GCAT: variants seen among roughly 807,000 people sequenced by gnomAD.
GCAT encodes the protein glycine C-acetyltransferase.
A neutral mutation model predicts 39.7 loss-of-function variants in GCAT; 26 were observed. The ratio of observed to expected loss-of-function variants is 0.65; its 90% CI spans 0.48 to 0.91. The LOEUF is 0.91. Ranked by LOEUF, GCAT falls within the 40% of genes least tolerant of loss-of-function variation. The pLI is 0.00. For synonymous variants in GCAT, 218 were observed against 237.2 expected (o/e 0.92, Z 0.74); for missense variants, 550 against 576.2 (o/e 0.95, Z 0.47).
At chr22:37,815,915 C>T (rs1922138992) in intron 7 of GCAT, 81 bp downstream of exon 7, 3 of 1,503,060 alleles carry the variant, frequency 2.0e-6, no homozygotes, top group Non-Finnish European at 2.7e-6. Flanking sequence ...GGCCCACAGA[C>T]AGCTCTGTGC....
rs141417797 is a variant in GCAT at position 37,815,704 on chromosome 22, C to T, written c.856C>T (p.Arg286Trp). ...GCCTGGGCCCCTGGTGTCCCTGCTG[C>T]GGCAGCGCGCCCGGCCATACCTCTT... Reference protein sequence around the residue: ...TGPGPLVSLLRQRARPYLFSN... With the variant: ...TGPGPLVSLLWQRARPYLFSN... The change falls in exon 7 of 9, where the codon CGG becomes TGG. Residue 286 changes from arginine to tryptophan, a missense_variant. This residue lies in a region of GCAT where 378 missense variants were observed against 390.4 expected (regional missense o/e 0.97). Transcript: ENST00000248924. The T allele has an allele frequency of 1.2e-3, 1,964 of 1,613,246 alleles. 14 individuals are homozygous for T. In the African/African-American group the frequency reaches 0.022, roughly 18 times the overall value.
chr22:37,810,043 T>G lies in GCAT; in HGVS notation c.213T>G (p.Cys71Trp). ...TCACCTCAGGAATCCTTAACTTCTG[T>G]GCCAACAACTACCTGGGCCTGAGCA... The part of the protein sequence containing the change: ...DGVSGGILNF[C>W]ANNYLGLSSH... The change falls in exon 2 of 9, where the codon TGT becomes TGG. Residue 71 changes from cysteine (C) to tryptophan (W), a missense_variant. By Grantham distance (215) the Cys-to-Trp change is radical. Transcript: ENST00000248924. 6.2e-7 allele frequency: 1 copy of G among 1,614,074 alleles called. No individual in the cohort carries two copies. The highest frequency in any genetic ancestry group is 8.5e-7 in the Non-Finnish European group (1 of 1,179,902).
In GCAT at chr22:37,808,954, T is replaced by TG. The variant is rs542535582; in HGVS notation, c.196+794dup. ...CTCCCGCCTCAGCCTCCCAAAGTGT[T>TG]GGGATTACAGGCGTGAGCCACCACT... On this transcript the variant is annotated intron_variant, in intron 1 of 8. Transcript: ENST00000248924. Among the ~76,000 whole-genome samples, 166 of 152,340 alleles carry TG rather than the reference T, an allele frequency of 1.1e-3. 1 individual carries two copies. The highest frequency in any genetic ancestry group is 3.8e-3 in the African/African-American group (157 of 41,584).
chr22:37,816,586 C>G lies in GCAT; in HGVS notation c.1128C>G (p.Phe376Leu), dbSNP rs1922224360. Reference protein sequence around the residue: ...MLKRGIFVIGFSYPVVPKGKA... With the variant: ...MLKRGIFVIGLSYPVVPKGKA... Reference sequence around the variant, plus strand: ...TCCCAGGCATCTTTGTCATCGGGTTCAGCTACCCCGTGGTCCCCAAGGGCA... The same window carrying G: ...TCCCAGGCATCTTTGTCATCGGGTTGAGCTACCCCGTGGTCCCCAAGGGCA... The change falls in exon 9 of 9, where the codon TTC becomes TTG. Residue 376 changes from phenylalanine to leucine, a missense_variant. By Grantham distance (22) the Phe-to-Leu change is conservative. Coordinates refer to ENST00000248924, the MANE Select transcript of GCAT (RefSeq NM_014291.4). 1 of 1,614,198 alleles carries G rather than the reference C, an allele frequency of 6.2e-7. No homozygotes were observed. The highest frequency in any genetic ancestry group is 1.1e-5 in the South Asian group (1 of 91,084).
chr22:37,813,012 T>A (rs1197847984), intron 3 of GCAT, 24 bp downstream of exon 3: 4 of 1,519,322 alleles, frequency 2.6e-6, no homozygotes. Flanking sequence ...GTCCTGCGGG[T>A]GAGGGTTGGT....
intron 4 of GCAT, 138 bp downstream of exon 4, chr22:37,813,747 C>T (rs1330637178): frequency 1.3e-6 from 1 of 752,142 alleles, no homozygotes; most frequent in Non-Finnish European, 2.1e-6. Flanking sequence ...ACCCAGATCC[C>T]TCACACCCAG....
Position 37,815,851 on chromosome 22 carries a change from G to C in GCAT, c.986+17G>C. On this transcript the variant is annotated intron_variant, in intron 7 of 8. Coordinates refer to ENST00000248924, the MANE Select transcript of GCAT (RefSeq NM_014291.4). ...GACCCAGAGGTGCGACTCCCAGCAG[G>C]GCAGGCTCGGGGGCGGAGAGACGTG... The C allele has an allele frequency of 6.2e-7, 1 of 1,612,992 alleles. No individual in the cohort carries two copies. Among genetic ancestry groups the C allele is most frequent in the Non-Finnish European group, 8.5e-7 (1 of 1,179,456 alleles).
chr22:37,815,382 G>A, intron 5 of GCAT, 36 bp from the exon 6 acceptor site: 1 of 1,598,092 alleles, frequency 6.3e-7, no homozygotes, highest in African/African-American at 1.3e-5. Flanking sequence ...TGGGCTCTCA[G>A]GAGGCCAGTG....
At chr22:37,808,687 C>G (rs1921242548) in intron 1 of GCAT, among the ~76,000 whole-genome samples, 1 of 149,700 alleles carries the variant, frequency 6.7e-6, no homozygotes, top group Non-Finnish European at 1.5e-5. Flanking sequence ...TCTTTCTTTC[C>G]TTTTTTTTTT....
chr22:37,810,119 G>A lies in GCAT; in HGVS notation c.289G>A (p.Ala97Thr), dbSNP rs755573503. The A allele has an allele frequency of 6.2e-7, 1 of 1,614,156 alleles. No homozygotes were observed. Among genetic ancestry groups the A allele is most frequent in the South Asian group, 1.1e-5 (1 of 91,084 alleles). ...TCTGCAGGCTCTGGAGGAGTTTGGA[G>A]CTGGCCTCAGCTCTGTCCGCTTTAT... The part of the protein sequence containing the change: ...AGLQALEEFG[A>T]GLSSVRFICG... Residue 97 changes from alanine (A) to threonine (T), a missense_variant, in exon 2 of 9, where the codon GCT (alanine) becomes ACT (threonine). Ala to Thr is a moderately conservative substitution (Grantham distance 58, BLOSUM62 0). Around this residue, in one of 3 missense-constraint regions of GCAT, gnomAD observed 154 missense variants for 141.9 expected, o/e 1.08. Transcript: ENST00000248924.
chr22:37,815,829 C>T lies in GCAT; in HGVS notation c.981C>T (p.Thr327=). 2 of 1,613,854 alleles carry T rather than the reference C, an allele frequency of 1.2e-6. No homozygotes were observed. Among genetic ancestry groups the T allele is most frequent in the Non-Finnish European group, 1.7e-6 (2 of 1,179,918 alleles). ...NTIVQSMAAK[T]QRFRSKMEAA... is the part of the protein sequence containing the mutation. ...TTGTCCAGTCTATGGCTGCCAAGACCCAGAGGTGCGACTCCCAGCAGGGCA... is the reference window on the plus strand; with the variant it reads ...TTGTCCAGTCTATGGCTGCCAAGACTCAGAGGTGCGACTCCCAGCAGGGCA... Residue 327 remains threonine, a synonymous_variant, in exon 7 of 9, where the codon ACC becomes ACT. Transcript: ENST00000248924.
intron 4 of GCAT, among the ~76,000 whole-genome samples, chr22:37,814,672 A>AT (rs1185167558): frequency 1.3e-5 from 2 of 152,012 alleles, no homozygotes; most frequent in Non-Finnish European, 2.9e-5. Flanking sequence ...AGTTTTTAAA[A>AT]TTTTTAGTAG....
intron 1 of GCAT, 66 bp from the exon 2 acceptor site, chr22:37,809,961 T>A: frequency 6.3e-7 from 1 of 1,592,400 alleles, no homozygotes; most frequent in Non-Finnish European, 8.6e-7. Flanking sequence ...CCTGGCACTG[T>A]CATCTTTCCA....
rs757973790 is a variant in GCAT at position 37,815,253 on chromosome 22, C to A, written c.704C>A (p.Ala235Asp). 34 of 1,613,762 alleles carry A rather than the reference C, an allele frequency of 2.1e-5. No homozygotes were observed. The highest frequency in any genetic ancestry group is 7.7e-5 in the South Asian group (7 of 91,026). The part of the protein sequence containing the change: ...GALVFMDECH[A>D]TGFLGPTGRG... ...CTGGTCTTCATGGATGAATGCCATG[C>A]CACTGGCTTCCTGGGGCCCACAGGA... Residue 235 changes from alanine to aspartate, a missense_variant, in exon 5 of 9, where the codon GCC becomes GAC. Around this residue, in one of 3 missense-constraint regions of GCAT, gnomAD observed 378 missense variants for 390.4 expected, o/e 0.97. Transcript: ENST00000248924.
chr22:37,816,087 CT>C, intron 7 of GCAT, 112 bp from the exon 8 acceptor site: 1 of 1,329,668 alleles, frequency 7.5e-7, no homozygotes. Flanking sequence ...TTGTAACTGT[CT>C]TTGTTGATCC....
chr22:37,808,140 T>G lies in GCAT; in HGVS notation c.173T>G (p.Ile58Ser), dbSNP rs1921170236. 6.5e-7 allele frequency: 1 copy of G among 1,527,904 alleles called. No individual in the cohort carries two copies. The highest frequency in any genetic ancestry group is 1.2e-5 in the South Asian group (1 of 80,906). 94.6% of individuals were successfully genotyped at this position (1,527,904 alleles called of 1,614,324 possible). Residue 58 changes from isoleucine (I) to serine (S), a missense_variant, in exon 1 of 9, where the codon ATC becomes AGC. Physicochemically the swap from Ile to Ser is moderately radical, Grantham distance 142. This residue lies in a region of GCAT where 154 missense variants were observed against 141.9 expected (regional missense o/e 1.08). Transcript: ENST00000248924. ...RVITSRQGPH[I>S]RVDGVSGGIL... ...ATCACGTCCCGTCAGGGGCCGCACA[T>G]CCGCGTGGACGGCGTCTCCGGAGGT...
At chr22:37,808,265 T>G in intron 1 of GCAT, 102 bp downstream of exon 1, 1 of 902,670 alleles carries the variant, frequency 1.1e-6, no homozygotes, top group Non-Finnish European at 1.6e-6. Context: ...TCTTAGCTAC[T>G]GTTCCCCTTC....
intron 1 of GCAT, 194 bp from the exon 2 acceptor site, chr22:37,809,833 T>C (rs556209364): frequency 1.4e-6 from 1 of 692,064 alleles, no homozygotes; most frequent in Admixed American, 2.7e-5. Flanking sequence ...AAAAAAAAAG[T>C]TTAAACTTCT....
chr22:37,812,847 C>A (rs1182045770), intron 2 of GCAT, 40 bp from the exon 3 acceptor site: 1 of 1,367,774 alleles, frequency 7.3e-7, no homozygotes, highest in Non-Finnish European at 1.0e-6. Flanking sequence ...TCCCACATGA[C>A]CCCACAGGCA....
Sources: gnomAD v4.1 joint callset for allele counts (sites outside exome capture counted in the v4.1 genomes callset) on GRCh38, gnomAD v4.1.1 for gene constraint, gnomAD v4.1.1 regional missense constraint, MANE v1.5 for transcripts, NCBI Gene and HGNC (gene_info 2026-07-23, HGNC 2026-07-21) for gene names.